The following AGBL4 variants were observed in gnomAD, a reference collection of about 807,000 sequenced individuals.
AGBL4 encodes cytosolic carboxypeptidase 6.
AGBL4 carries 58 observed loss-of-function variants against 66.4 expected under a neutral mutation model. The ratio of observed to expected loss-of-function variants is 0.87; its 90% CI spans 0.71 to 1.09. The LOEUF is 1.09. AGBL4 is among the 50% of genes least tolerant of loss of function. The pLI is 0.00. For synonymous variants in AGBL4, 234 were observed against 222.9 expected (o/e 1.05, Z -0.44); for missense variants, 579 against 631.0 (o/e 0.92, Z 0.88).
At chr1:49,505,345 T>G (rs1477100702) in intron 3 of AGBL4, among the ~76,000 whole-genome samples, 1 of 152,068 alleles carries the variant, frequency 6.6e-6, no homozygotes, top group East Asian at 1.9e-4. Context: ...TCATATGTTT[T>G]TGTGTCACTA....
intron 5 of AGBL4, among the ~76,000 whole-genome samples, chr1:48,944,619 C>A (rs1486936326): frequency 6.6e-6 from 1 of 152,132 alleles, no homozygotes. Context: ...GTGCCCACGC[C>A]AGGCCTCATT....
chr1:49,938,137 G>C (rs1177162059), intron 1 of AGBL4, among the ~76,000 whole-genome samples: 2 of 150,464 alleles, frequency 1.3e-5, no homozygotes, highest in Non-Finnish European at 2.9e-5. Context: ...GAATCAAATA[G>C]ATGCAATAAA....
At chr1:49,179,900 T>A (rs969899703) in intron 4 of AGBL4, among the ~76,000 whole-genome samples, 1 of 151,954 alleles carries the variant, frequency 6.6e-6, no homozygotes, top group South Asian at 2.1e-4. Flanking sequence ...TTATTTTTTT[T>A]ATTTTTTTTT....
chr1:49,853,112 T>C, intron 1 of AGBL4, among the ~76,000 whole-genome samples: 1 of 152,020 alleles, frequency 6.6e-6, no homozygotes, highest in Middle Eastern at 3.4e-3. Flanking sequence ...AGCCAAAATA[T>C]CAAGAAAAAA....
intron 1 of AGBL4, among the ~76,000 whole-genome samples, chr1:49,972,500 AT>A (rs1249787568): frequency 2.6e-5 from 4 of 152,148 alleles, no homozygotes; most frequent in Non-Finnish European, 5.9e-5. Flanking sequence ...AAAAGAAATG[AT>A]TTCATTATTT....
chr1:48,816,771 A>G (rs762021399), intron 6 of AGBL4, among the ~76,000 whole-genome samples: 5 of 152,240 alleles, frequency 3.3e-5, no homozygotes, highest in African/African-American at 4.8e-5. Context: ...GATGAATAAG[A>G]TATGGTTCTG....
At chr1:48,622,640 T>C (rs2148398627) in intron 9 of AGBL4, among the ~76,000 whole-genome samples, 1 of 151,980 alleles carries the variant, frequency 6.6e-6, no homozygotes, top group East Asian at 1.9e-4. Context: ...CCCACCACCA[T>C]GCCTGGCTAA....
intron 4 of AGBL4, among the ~76,000 whole-genome samples, chr1:49,058,010 G>A (rs1644337195): frequency 6.6e-6 from 1 of 152,142 alleles, no homozygotes; most frequent in Non-Finnish European, 1.5e-5. Flanking sequence ...GTAGGGATGG[G>A]TATTGTGGTG....
chr1:49,372,594 C>CTTTTCTTTTTCT (rs201562209), intron 3 of AGBL4, among the ~76,000 whole-genome samples: 2 of 150,116 alleles, frequency 1.3e-5, no homozygotes, highest in African/African-American at 4.9e-5. Flanking sequence ...TTCTTTCTTT[C>CTTTTCTTTTTCT]TTTTCTTTTT....
intron 3 of AGBL4, among the ~76,000 whole-genome samples, chr1:49,521,368 A>C (rs927198904): frequency 2.6e-5 from 4 of 152,124 alleles, no homozygotes; most frequent in Non-Finnish European, 5.9e-5. Flanking sequence ...CTAAACTATA[A>C]GTTTATAGTA....
intron 4 of AGBL4, among the ~76,000 whole-genome samples, 174 bp downstream of exon 4, chr1:49,245,596 C>T (rs1455821846): frequency 1.3e-5 from 2 of 151,770 alleles, no homozygotes; most frequent in African/African-American, 4.8e-5. Flanking sequence ...TTCTCAGTGA[C>T]AGTAAGTCTG....
chr1:49,362,973 T>C (rs1570526675), intron 3 of AGBL4, among the ~76,000 whole-genome samples: 1 of 152,280 alleles, frequency 6.6e-6, no homozygotes, highest in East Asian at 1.9e-4. Context: ...TTCCAGTTTA[T>C]TTGTCTAGAC....
chr1:49,557,518 C>T (rs1056210626), intron 3 of AGBL4, among the ~76,000 whole-genome samples: 2 of 152,068 alleles, frequency 1.3e-5, no homozygotes, highest in Non-Finnish European at 2.9e-5. Context: ...CAGGGCTGTC[C>T]TCTTAGAGCA....
At chr1:49,479,223 A>G (rs1171328194) in intron 3 of AGBL4, among the ~76,000 whole-genome samples, 3 of 152,128 alleles carry the variant, frequency 2.0e-5, no homozygotes, top group East Asian at 1.9e-4. Context: ...GTATGCCAAC[A>G]GTGAACAAAT....
chr1:49,127,076 A>C (rs1270021263), intron 4 of AGBL4, among the ~76,000 whole-genome samples: 1 of 152,176 alleles, frequency 6.6e-6, no homozygotes, highest in Non-Finnish European at 1.5e-5. Context: ...AACTGAATAA[A>C]CTATATAAAA....
At chr1:49,215,885 C>T (rs1557736917) in intron 4 of AGBL4, among the ~76,000 whole-genome samples, 1 of 152,078 alleles carries the variant, frequency 6.6e-6, no homozygotes, top group African/African-American at 2.4e-5. Flanking sequence ...TTGATAGTGA[C>T]ATGATATATT....
intron 1 of AGBL4, among the ~76,000 whole-genome samples, chr1:49,888,849 C>T (rs1022296718): frequency 6.6e-5 from 10 of 152,076 alleles, no homozygotes; most frequent in Non-Finnish European, 1.5e-4. Context: ...GACAAGATGG[C>T]CTCGTAGTAT....
chr1:49,343,414 G>T (rs1645578930), intron 3 of AGBL4, among the ~76,000 whole-genome samples: 1 of 152,130 alleles, frequency 6.6e-6, no homozygotes, highest in Non-Finnish European at 1.5e-5. Flanking sequence ...TAACTAGGTG[G>T]GAAATATACA....
chr1:48,605,176 C>T (rs1199557969), intron 9 of AGBL4, among the ~76,000 whole-genome samples: 3 of 152,182 alleles, frequency 2.0e-5, no homozygotes, highest in Admixed American at 2.0e-4. Flanking sequence ...AAGTTCTTAC[C>T]ACTCTATCAC....
Sources: allele counts gnomAD v4.1 joint callset (sites outside exome capture counted in the v4.1 genomes callset), GRCh38; gene constraint gnomAD v4.1.1; transcripts MANE v1.5; gene names NCBI Gene and HGNC (gene_info 2026-07-23, HGNC 2026-07-21).